PCDHA1: variants seen among roughly 807,000 people sequenced by gnomAD.
PCDHA1 encodes protocadherin alpha 1, also known as protocadherin alpha-1.
Under a neutral mutation model 61.3 loss-of-function variants are expected in PCDHA1, and 42 were observed. The ratio of observed to expected loss-of-function variants is 0.69; its 90% CI spans 0.54 to 0.89. PCDHA1 has a LOEUF of 0.89. PCDHA1 is among the 40% of genes least tolerant of loss of function. The pLI is 0.00. For synonymous variants in PCDHA1, 610 were observed against 553.8 expected, an observed-to-expected ratio of 1.10 and a Z score of -1.43; for missense variants, 1,256 against 1,235.3, an observed-to-expected ratio of 1.02 and a Z score of -0.25.
intron 1 of PCDHA1, chr5:140,803,903 AAT>A (rs1763301790): frequency 3.8e-6 from 2 of 520,356 alleles, no homozygotes; most frequent in African/African-American, 3.9e-5. Context: ...TTATTTAGAG[AAT>A]CTGACTTCGA....
chr5:141,004,768 A>G (rs2098180289), intron 3 of PCDHA1, among the ~76,000 whole-genome samples: 1 of 152,160 alleles, frequency 6.6e-6, no homozygotes, highest in Non-Finnish European at 1.5e-5. Flanking sequence ...CAGGACCTGT[A>G]TTTTAAAGGT....
chr5:140,836,107 G>T, intron 1 of PCDHA1: 1 of 1,613,744 alleles, frequency 6.2e-7, no homozygotes, highest in Non-Finnish European at 8.5e-7. Context: ...GGCACTGGTG[G>T]CGCAGTGAGA....
chr5:140,935,894 CT>C (rs55841305), intron 1 of PCDHA1, among the ~76,000 whole-genome samples: 1,605 of 136,716 alleles, frequency 0.012, 14 homozygotes, highest in Non-Finnish European at 0.016. Context: ...TCAATATTAT[CT>C]TTTTTTTTTT....
chr5:140,863,301 C>T lies in PCDHA1; in HGVS notation c.2394+74617C>T, dbSNP rs782465834. ...ATGTCAACGTGTACCTGATCATCGC[C>T]ATCTGCGTGGTGTCCAGCCTGTTAG... On this transcript the variant is annotated intron_variant, in intron 1 of 3. Coordinates refer to ENST00000504120, the MANE Select transcript of PCDHA1 (RefSeq NM_018900.4). The T allele has an allele frequency of 2.7e-6, 4 of 1,463,618 alleles. No homozygotes were observed. In the South Asian group the frequency reaches 4.5e-5, roughly 16 times the overall value. 90.7% of individuals were successfully genotyped at this position (1,463,618 alleles called of 1,614,324 possible).
intron 1 of PCDHA1, among the ~76,000 whole-genome samples, chr5:140,910,377 C>T (rs1053075333): frequency 6.6e-6 from 1 of 152,244 alleles, no homozygotes; most frequent in East Asian, 1.9e-4. Flanking sequence ...GCCCACCTTG[C>T]CTTTGACAGT....
At chr5:140,820,539 T>C (rs2150107248) in intron 1 of PCDHA1, among the ~76,000 whole-genome samples, 105 of 152,156 alleles carry the variant, frequency 6.9e-4, no homozygotes, top group African/African-American at 2.4e-3. Flanking sequence ...ATTTCTTCAA[T>C]AGAAAACTTG....
At chr5:140,884,812 G>C in intron 1 of PCDHA1, 2 of 1,117,104 alleles carry the variant, frequency 1.8e-6, no homozygotes, top group Non-Finnish European at 2.5e-6. Flanking sequence ...ACTCTGCTGT[G>C]GACATTATGT....
In PCDHA1 at chr5:140,835,717, T is replaced by C. The variant is rs1773872619; in HGVS notation, c.2394+47033T>C. The C allele has an allele frequency of 1.9e-6, 3 of 1,613,628 alleles. No individual in the cohort carries two copies. Among genetic ancestry groups the C allele is most frequent in the African/African-American group, 2.7e-5 (2 of 74,884 alleles). On this transcript the variant is annotated intron_variant, in intron 1 of 3. Coordinates refer to ENST00000504120, the MANE Select transcript of PCDHA1 (RefSeq NM_018900.4). ...GCCACTGCTAGCGTGTCCGTGGAGG[T>C]GGCCGACGTGAACGACAACGCCCCG...
chr5:140,829,704 G>A, intron 1 of PCDHA1: 2 of 1,613,434 alleles, frequency 1.2e-6, no homozygotes, highest in Non-Finnish European at 8.5e-7. Flanking sequence ...GTGAGCGCGC[G>A]CGACGCGGGC....
Position 140,841,491 on chromosome 5 carries a change from C to A in PCDHA1, c.2394+52807C>A, listed in dbSNP as rs2150316592. The stretch of plus-strand genomic sequence containing the variant: ...GCGCAGGACCTGGGGCTGGAGCTGG[C>A]GGAGCTGGTGCCGCGCCTGTTCCGG... On this transcript the variant is annotated intron_variant, in intron 1 of 3. Coordinates refer to ENST00000504120, the MANE Select transcript of PCDHA1 (RefSeq NM_018900.4). 2.8e-5 allele frequency: 45 copies of A among 1,612,948 alleles called. No individual in the cohort carries two copies. Among genetic ancestry groups the A allele is most frequent in the African/African-American group, 1.5e-4 (11 of 74,822 alleles).
intron 1 of PCDHA1, chr5:140,822,506 C>T (rs2150116897): frequency 2.5e-6 from 4 of 1,613,830 alleles, no homozygotes; most frequent in Non-Finnish European, 2.5e-6. Flanking sequence ...TTTGATAAAT[C>T]CATTTATAAT....
chr5:140,822,445 A>G, intron 1 of PCDHA1: 1 of 1,613,728 alleles, frequency 6.2e-7, no homozygotes, highest in Non-Finnish European at 8.5e-7. Flanking sequence ...ACTAACAGGT[A>G]CAGTTCAGTT....
chr5:141,002,555 A>C (rs1349538713), intron 3 of PCDHA1, among the ~76,000 whole-genome samples: 1 of 152,222 alleles, frequency 6.6e-6, no homozygotes, highest in Admixed American at 6.5e-5. Context: ...CCCAGGATCC[A>C]CCAGTTAGTG....
At chr5:140,975,562 A>T (rs1445534188) in intron 1 of PCDHA1, among the ~76,000 whole-genome samples, 2 of 152,206 alleles carry the variant, frequency 1.3e-5, no homozygotes, top group African/African-American at 4.8e-5. Flanking sequence ...GGAAAAGGAG[A>T]TATTATATGC....
chr5:140,844,634 A>G (rs1352743996), intron 1 of PCDHA1, among the ~76,000 whole-genome samples: 1 of 149,578 alleles, frequency 6.7e-6, no homozygotes, highest in Non-Finnish European at 1.5e-5. Flanking sequence ...AAAACTATAC[A>G]TGATAATTTC....
chr5:140,869,724 A>G (rs1554163381), intron 1 of PCDHA1: 1 of 1,613,416 alleles, frequency 6.2e-7, no homozygotes. Flanking sequence ...AAACTCCGGA[A>G]CTTAATTTGC....
chr5:140,852,890 T>G (rs1315995547), intron 1 of PCDHA1: 3 of 912,634 alleles, frequency 3.3e-6, no homozygotes, highest in East Asian at 2.3e-4. Context: ...AACGTATTTT[T>G]TTTTTTGAGT....
intron 1 of PCDHA1, chr5:140,843,480 C>T (rs2150360983): frequency 2.5e-6 from 4 of 1,596,022 alleles, no homozygotes; most frequent in East Asian, 2.2e-5. Context: ...CTGTACACTG[C>T]GCTGCGGTGC....
Position 140,787,573 on chromosome 5 carries a change from G to A in PCDHA1, c.1283G>A (p.Arg428Gln), listed in dbSNP as rs1761381900. ...GTCTATGAGCTGGTGGTGACCGCGC[G>A]GGACGGGGGCTCGCCTTCGCTGTGG... ...LSVYELVVTA[R>Q]DGGSPSLWAT... is the part of the protein sequence containing the mutation. Residue 428 changes from arginine to glutamine, a missense_variant, in exon 1 of 4, where the codon CGG becomes CAG. By Grantham distance (43) the Arg-to-Gln change is conservative. Transcript: ENST00000504120. 4.3e-6 allele frequency: 7 copies of A among 1,614,208 alleles called. No homozygotes were observed. In the East Asian group the frequency reaches 1.3e-4, roughly 31 times the overall value.
Sources: gnomAD v4.1 joint callset for allele counts (sites outside exome capture counted in the v4.1 genomes callset) on GRCh38, gnomAD v4.1.1 for gene constraint, MANE v1.5 for transcripts, NCBI Gene and HGNC (gene_info 2026-07-23, HGNC 2026-07-21) for gene names.